Variants in PRKCB observed in about 807,000 individuals in gnomAD.
The protein encoded by PRKCB is protein kinase C beta type.
In PRKCB, 13 loss-of-function variants were observed where a neutral mutation model predicts 81.5. The ratio of observed to expected loss-of-function variants is 0.16; its 90% CI spans 0.10 to 0.25. PRKCB has a LOEUF of 0.25. Among genes scored for constraint, PRKCB ranks in the 10% least tolerant of loss-of-function variants. The pLI is 1.00. For missense variants in PRKCB, 509 were observed against 875.7 expected, an observed-to-expected ratio of 0.58 and a Z score of 5.29; for synonymous variants, 335 against 321.4, an observed-to-expected ratio of 1.04 and a Z score of -0.45.
At chr16:24,093,558 T>C (rs1436040156) in intron 6 of PRKCB, among the ~76,000 whole-genome samples, 1 of 152,096 alleles carries the variant, frequency 6.6e-6, no homozygotes, top group Non-Finnish European at 1.5e-5. Context: ...CTTATAGAGG[T>C]TAAAGAGTAT....
intron 10 of PRKCB, among the ~76,000 whole-genome samples, chr16:24,158,565 T>A (rs511260): frequency 0.3 from 44,835 of 151,108 alleles, 6,751 homozygotes; most frequent in South Asian, 0.42. Flanking sequence ...TATATGTATA[T>A]GTATATGTAT....
At chr16:23,906,056 G>A (rs6497700) in intron 2 of PRKCB, among the ~76,000 whole-genome samples, 49,684 of 151,956 alleles carry the variant, frequency 0.33, 8,408 homozygotes, top group South Asian at 0.49. Flanking sequence ...GTTTGACGAC[G>A]TGCAAGGATA....
Position 24,013,781 on chromosome 16 carries a change from C to T in PRKCB, c.289-18355C>T, listed in dbSNP as rs201899578. Among the ~76,000 whole-genome samples the T allele has an allele frequency of 6.7e-3, 928 of 138,048 alleles. 13 individuals carry two copies. The highest frequency in any genetic ancestry group is 0.023 in the African/African-American group (871 of 37,140). 90.6% of individuals were successfully genotyped at this position (138,048 alleles called of 152,430 possible). ...AGATGAAAGGTGAGATGTGGAATTG[C>T]AAAAAAAAAAAAAAAGTATAGACAT... is the stretch of plus-strand genomic sequence containing the variant. On this transcript the variant is annotated intron_variant, in intron 3 of 16. Transcript: ENST00000643927.
chr16:24,195,230 C>G (rs112933208), intron 16 of PRKCB, among the ~76,000 whole-genome samples: 1 of 151,950 alleles, frequency 6.6e-6, no homozygotes, highest in Non-Finnish European at 1.5e-5. Flanking sequence ...CATCACCTAC[C>G]CATTTGATCC....
At chr16:24,140,683 G>T (rs1966889874) in intron 9 of PRKCB, among the ~76,000 whole-genome samples, 1 of 152,168 alleles carries the variant, frequency 6.6e-6, no homozygotes. Context: ...AAGACTGAAA[G>T]ACATCTCAAA....
chr16:24,121,941 A>T (rs1966803005), intron 8 of PRKCB, among the ~76,000 whole-genome samples: 1 of 152,204 alleles, frequency 6.6e-6, no homozygotes, highest in East Asian at 1.9e-4. Context: ...TCTCTGTGCC[A>T]TACTCCTCTA....
intron 2 of PRKCB, among the ~76,000 whole-genome samples, chr16:23,885,635 C>T (rs1218656904): frequency 6.6e-6 from 1 of 152,100 alleles, no homozygotes; most frequent in Non-Finnish European, 1.5e-5. Context: ...CCTCTTTGCC[C>T]CCTTTTCTGG....
intron 2 of PRKCB, among the ~76,000 whole-genome samples, chr16:23,864,390 G>C (rs1962736742): frequency 6.6e-6 from 1 of 152,216 alleles, no homozygotes; most frequent in South Asian, 2.1e-4. Context: ...CCAGGATCTT[G>C]AGACCAGCCA....
At chr16:24,136,047 C>A (rs978897952) in intron 9 of PRKCB, among the ~76,000 whole-genome samples, 5 of 151,966 alleles carry the variant, frequency 3.3e-5, no homozygotes, top group Non-Finnish European at 7.4e-5. Flanking sequence ...CCTGCCCCCA[C>A]CAAGCCTTCA....
intron 2 of PRKCB, among the ~76,000 whole-genome samples, chr16:23,904,484 G>A (rs1325452649): frequency 4.6e-5 from 7 of 152,050 alleles, no homozygotes; most frequent in African/African-American, 1.7e-4. Flanking sequence ...CCAACATGGC[G>A]AAACCCCATC....
At chr16:24,205,781 T>C (rs1968037641) in intron 16 of PRKCB, among the ~76,000 whole-genome samples, 1 of 152,184 alleles carries the variant, frequency 6.6e-6, no homozygotes, top group African/African-American at 2.4e-5. Flanking sequence ...TGGCTTACAG[T>C]CTAGATGAGA....
intron 13 of PRKCB, among the ~76,000 whole-genome samples, chr16:24,182,605 A>G (rs1157373432): frequency 1.3e-5 from 2 of 152,174 alleles, no homozygotes; most frequent in Non-Finnish European, 2.9e-5. Context: ...ACAAGCCAAC[A>G]AGTTAATCCT....
At chr16:23,920,290 T>C (rs76509828) in intron 2 of PRKCB, among the ~76,000 whole-genome samples, 2,656 of 152,336 alleles carry the variant, frequency 0.017, 77 homozygotes, top group African/African-American at 0.058. Context: ...CATTTATGTG[T>C]CTTCTTTGGA....
At chr16:23,842,343 G>T (rs1008424197) in intron 2 of PRKCB, among the ~76,000 whole-genome samples, 1 of 152,218 alleles carries the variant, frequency 6.6e-6, no homozygotes, top group Admixed American at 6.5e-5. Flanking sequence ...AATAGCCACA[G>T]CAAGTATCAA....
At chr16:23,947,275 A>G (rs1964215584) in intron 2 of PRKCB, among the ~76,000 whole-genome samples, 1 of 152,070 alleles carries the variant, frequency 6.6e-6, no homozygotes, top group Non-Finnish European at 1.5e-5. Context: ...TCTTCTCGAG[A>G]CAGCATCCTT....
At chr16:24,072,940 A>G (rs2141886239) in intron 5 of PRKCB, among the ~76,000 whole-genome samples, 2 of 152,304 alleles carry the variant, frequency 1.3e-5, no homozygotes, top group Middle Eastern at 3.4e-3. Flanking sequence ...GCTCAAGTAT[A>G]CCTTACTGTA....
intron 5 of PRKCB, among the ~76,000 whole-genome samples, chr16:24,062,406 A>G (rs1965984933): frequency 6.6e-6 from 1 of 152,216 alleles, no homozygotes; most frequent in Non-Finnish European, 1.5e-5. Context: ...ATTCCCAAGC[A>G]CTTTTGAGGA....
chr16:24,020,917 A>G (rs1331992247), intron 3 of PRKCB, among the ~76,000 whole-genome samples: 1 of 151,922 alleles, frequency 6.6e-6, no homozygotes, highest in East Asian at 1.9e-4. Context: ...GCCCAACCAG[A>G]TTTCAGCCCA....
intron 3 of PRKCB, among the ~76,000 whole-genome samples, chr16:24,022,197 A>C (rs1243640316): frequency 1.3e-5 from 2 of 151,906 alleles, no homozygotes; most frequent in Non-Finnish European, 2.9e-5. Context: ...CTCACTCGGG[A>C]GTTTAGGGGA....
Sources: gnomAD v4.1 joint callset for allele counts (sites outside exome capture counted in the v4.1 genomes callset) on GRCh38, gnomAD v4.1.1 for gene constraint, MANE v1.5 for transcripts, NCBI Gene and HGNC (gene_info 2026-07-23, HGNC 2026-07-21) for gene names.